ELAPOR1: variants seen among roughly 807,000 people sequenced by gnomAD.
ELAPOR1 encodes endosome/lysosome-associated apoptosis and autophagy regulator 1.
ELAPOR1 carries 77 observed loss-of-function variants against 119.7 expected under a neutral mutation model. The ratio of observed to expected loss-of-function variants is 0.64; its 90% CI spans 0.54 to 0.78. The LOEUF (loss-of-function observed/expected upper bound fraction) is 0.78. Among genes scored for constraint, ELAPOR1 ranks in the 30% least tolerant of loss-of-function variants. The pLI, the probability that ELAPOR1 is intolerant of heterozygous loss-of-function variation, is 0.00. For missense variants in ELAPOR1, 1,115 were observed against 1,270.4 expected, an observed-to-expected ratio of 0.88 and a Z score of 1.86; for synonymous variants, 481 against 487.2, an observed-to-expected ratio of 0.99 and a Z score of 0.17.
intron 8 of ELAPOR1, chr1:109,187,442 G>A (rs1156469947): frequency 1.0e-6 from 1 of 994,516 alleles, no homozygotes; most frequent in Admixed American, 6.1e-5. Context: ...ATGGACAGAG[G>A]CCTTATTCAT....
At chr1:109,133,152 C>T (rs1409901079) in intron 1 of ELAPOR1, among the ~76,000 whole-genome samples, 1 of 151,990 alleles carries the variant, frequency 6.6e-6, no homozygotes, top group Non-Finnish European at 1.5e-5. Context: ...CTCCCTTGAG[C>T]CTGGGAGGTT....
At chr1:109,163,921 C>T (rs537847596) in intron 2 of ELAPOR1, among the ~76,000 whole-genome samples, 1 of 152,282 alleles carries the variant, frequency 6.6e-6, no homozygotes, top group Admixed American at 6.5e-5. Context: ...ACCTTGGCAT[C>T]TTCTTCACCA....
intron 1 of ELAPOR1, among the ~76,000 whole-genome samples, chr1:109,117,525 T>C (rs1218834883): frequency 1.3e-5 from 2 of 152,200 alleles, no homozygotes; most frequent in Non-Finnish European, 2.9e-5. Flanking sequence ...TAAAATTTGT[T>C]GAATGAGTGA....
chr1:109,168,672 C>A (rs1304840888), intron 3 of ELAPOR1, among the ~76,000 whole-genome samples: 1 of 152,084 alleles, frequency 6.6e-6, no homozygotes, highest in Admixed American at 6.5e-5. Flanking sequence ...GACAGTGAAA[C>A]AAGAATGAGA....
At chr1:109,191,699 C>T (rs377694746) in intron 12 of ELAPOR1, 27 bp from the exon 13 acceptor site, 70 of 1,613,218 alleles carry the variant, frequency 4.3e-5, no homozygotes, top group African/African-American at 1.1e-4. Context: ...CCATCGCACC[C>T]GCTTCACTTG....
intron 1 of ELAPOR1, 98 bp from the exon 2 acceptor site, chr1:109,161,796 A>G: frequency 7.0e-7 from 1 of 1,429,500 alleles, no homozygotes; most frequent in Non-Finnish European, 9.6e-7. Flanking sequence ...TTCTGAGAGG[A>G]TGAGCATCAG....
At chr1:109,135,717 G>C (rs554511325) in intron 1 of ELAPOR1, among the ~76,000 whole-genome samples, 1 of 152,296 alleles carries the variant, frequency 6.6e-6, no homozygotes, top group Admixed American at 6.5e-5. Flanking sequence ...TATACCAGCT[G>C]TGTGACTGGG....
intron 1 of ELAPOR1, among the ~76,000 whole-genome samples, chr1:109,156,593 G>A (rs1026700553): frequency 6.6e-6 from 1 of 152,160 alleles, no homozygotes; most frequent in Non-Finnish European, 1.5e-5. Context: ...TTGTCTTTAT[G>A]ACTGGCTTAT....
chr1:109,188,258 G>T lies in ELAPOR1; in HGVS notation c.1123G>T (p.Val375Leu). ...GGCAGTGAAGCTGCCTGCCTCTGGT[G>T]TGAAGACCCACTGCCCACCCTGCAA... ...EGAVKLPASG[V>L]KTHCPPCNPG... is the part of the protein sequence containing the mutation. The change falls in exon 9 of 22, where the codon GTG becomes TTG. Residue 375 changes from valine to leucine, a missense_variant. Val to Leu is a conservative substitution (Grantham distance 32). Coordinates refer to ENST00000369939, the MANE Select transcript of ELAPOR1 (RefSeq NM_020775.5). 21 of 1,614,192 alleles carry T rather than the reference G, an allele frequency of 1.3e-5. No homozygotes were observed. The highest frequency in any genetic ancestry group is 1.8e-5 in the Non-Finnish European group (21 of 1,180,016).
intron 9 of ELAPOR1, 65 bp from the exon 10 acceptor site, chr1:109,189,001 C>G: frequency 6.3e-7 from 1 of 1,581,188 alleles, no homozygotes; most frequent in Non-Finnish European, 8.6e-7. Context: ...TGTGTGGCAG[C>G]AGCTCCAGTC....
At chr1:109,189,828 A>C in intron 11 of ELAPOR1, 146 bp downstream of exon 11, 1 of 668,108 alleles carries the variant, frequency 1.5e-6, no homozygotes, top group Non-Finnish European at 2.6e-6. Context: ...GTACAGTTTG[A>C]CCGAGGTAAC....
At chr1:109,165,520 G>A (rs982912072) in intron 3 of ELAPOR1, among the ~76,000 whole-genome samples, 1 of 150,978 alleles carries the variant, frequency 6.6e-6, no homozygotes, top group Non-Finnish European at 1.5e-5. Context: ...GGAAGCGGAA[G>A]TTGCAGTGAG....
intron 7 of ELAPOR1, among the ~76,000 whole-genome samples, chr1:109,183,557 C>T (rs79905245): frequency 7.8e-3 from 122 of 15,716 alleles, no homozygotes; most frequent in African/African-American, 0.016. Context: ...CTTTTCCTTC[C>T]TTCCTTCCTT....
chr1:109,141,095 G>A (rs996750318), intron 1 of ELAPOR1, among the ~76,000 whole-genome samples: 2 of 152,016 alleles, frequency 1.3e-5, no homozygotes, highest in Admixed American at 6.6e-5. Flanking sequence ...CAGGCAATCC[G>A]CCTACCTTGG....
At position 109,199,902 on chromosome 1, in the gene ELAPOR1, G is replaced by A; in HGVS notation, c.2550G>A (p.Trp850Ter). 6.2e-7 allele frequency: 1 copy of A among 1,613,812 alleles called. No homozygotes were observed. The highest frequency in any genetic ancestry group is 2.2e-5 in the East Asian group (1 of 44,890). ...TCDGCNFHFL[W>*]ESAAACPLCS... ...ATGGCTGCAACTTCCACTTCCTGTGGGAGAGCGCGGCTGCTTGCCCGCTCT... is the reference window on the plus strand; with the variant it reads ...ATGGCTGCAACTTCCACTTCCTGTGAGAGAGCGCGGCTGCTTGCCCGCTCT... Residue 850 changes from tryptophan to a stop codon, truncating the protein, a stop_gained, in exon 19 of 22, where the codon TGG becomes TGA. Coordinates refer to ENST00000369939, the MANE Select transcript of ELAPOR1 (RefSeq NM_020775.5). LOFTEE classifies it high-confidence loss of function.
At chr1:109,133,349 A>G (rs1389791700) in intron 1 of ELAPOR1, among the ~76,000 whole-genome samples, 1 of 133,054 alleles carries the variant, frequency 7.5e-6, no homozygotes, top group Non-Finnish European at 1.5e-5. Flanking sequence ...TGGCCAAAGT[A>G]GAAGCCAAAA....
At chr1:109,116,139 T>G (rs752181973) in intron 1 of ELAPOR1, among the ~76,000 whole-genome samples, 1 of 152,242 alleles carries the variant, frequency 6.6e-6, no homozygotes, top group Non-Finnish European at 1.5e-5. Flanking sequence ...ACTTGAGAAC[T>G]CGAACTTGTG....
In ELAPOR1 at chr1:109,197,635, C is replaced by T; in HGVS notation, c.2283C>T (p.Ser761=). The T allele has an allele frequency of 6.2e-7, 1 of 1,613,928 alleles. No individual in the cohort carries two copies. The highest frequency in any genetic ancestry group is 8.5e-7 in the Non-Finnish European group (1 of 1,179,966). The change falls in exon 16 of 22, where the codon AGC becomes AGT. Residue 761 remains serine (S), a synonymous_variant. Transcript: ENST00000369939. ...CCGGGGTTTCCTCACAGCCTGTCAG[C>T]CTTGCTGATCGACTTATTGGTGAGT... ...YKAGVSSQPV[S]LADRLIGVTT... is the part of the protein sequence containing the mutation.
intron 1 of ELAPOR1, among the ~76,000 whole-genome samples, chr1:109,160,382 C>G (rs1331514478): frequency 6.6e-6 from 1 of 151,820 alleles, no homozygotes; most frequent in Non-Finnish European, 1.5e-5. Context: ...TCTAAGACAC[C>G]ATTTTTTTAA....
Sources: gnomAD v4.1 joint callset for allele counts (sites outside exome capture counted in the v4.1 genomes callset) on GRCh38, gnomAD v4.1.1 for gene constraint, MANE v1.5 for transcripts, NCBI Gene and HGNC (gene_info 2026-07-23, HGNC 2026-07-21) for gene names.